THSD4: variants seen among roughly 807,000 people sequenced by gnomAD.
The protein encoded by THSD4 is thrombospondin type-1 domain-containing protein 4.
Under a neutral mutation model 119.0 loss-of-function variants are expected in THSD4, and 69 were observed. The ratio of observed to expected loss-of-function variants is 0.58; its 90% CI spans 0.48 to 0.71. The LOEUF (loss-of-function observed/expected upper bound fraction) is 0.71. Ranked by LOEUF, THSD4 falls within the 30% of genes least tolerant of loss-of-function variation. The pLI is 0.00. For missense variants in THSD4, 1,393 were observed against 1,391.1 expected (o/e 1.00, Z -0.02); for synonymous variants, 524 against 540.4 (o/e 0.97, Z 0.42).
chr15:71,272,396 C>CAAAAAAAA (rs61293620), intron 6 of THSD4, among the ~76,000 whole-genome samples: 3 of 55,584 alleles, frequency 5.4e-5, no homozygotes, highest in Non-Finnish European at 5.9e-5. Context: ...GACTCTGTCT[C>CAAAAAAAA]AAAAAAAAAA....
chr15:71,755,834 A>G (rs2053529651), intron 14 of THSD4, among the ~76,000 whole-genome samples: 2 of 152,106 alleles, frequency 1.3e-5, no homozygotes, highest in Non-Finnish European at 2.9e-5. Flanking sequence ...GACACTCAAG[A>G]TAGTCTTCAC....
chr15:71,386,239 A>G (rs2046291849), intron 6 of THSD4, among the ~76,000 whole-genome samples: 1 of 152,230 alleles, frequency 6.6e-6, no homozygotes, highest in Admixed American at 6.5e-5. Flanking sequence ...ACAGGCAGCT[A>G]CTTAATGGTT....
rs2046687671 is a variant in THSD4, at chr15:71,411,618, C to A, written c.1016-69C>A. 2.7e-6 allele frequency: 4 copies of A among 1,477,086 alleles called. No individual in the cohort carries two copies. The East Asian group carries it at 9.9e-5, about 37-fold the overall frequency. The allele number at this position is 1,477,086 out of a possible 1,614,324, so 91.5% of individuals were successfully genotyped here. On this transcript the variant is annotated intron_variant, in intron 6 of 17. Coordinates refer to ENST00000261862, the MANE Select transcript of THSD4 (RefSeq NM_024817.3). ...AAAAATTATAGGAAGAAAAAAGGTG[C>A]TGATTCCACAGAGATGATATTGCTT...
chr15:71,591,005 C>CAAA (rs67271025), intron 7 of THSD4, among the ~76,000 whole-genome samples: 37 of 57,510 alleles, frequency 6.4e-4, no homozygotes, highest in African/African-American at 1.2e-3. Context: ...GACTCCATCT[C>CAAA]AAAAAAAAAA....
At position 71,161,006 on chromosome 15, in the gene THSD4, AT is replaced by A. The variant is rs1260293019; in HGVS notation, c.99+6075del. Among the ~76,000 whole-genome samples the A allele has an allele frequency of 1.4e-4, 21 of 152,208 alleles. 1 individual carries two copies. In the South Asian group the frequency reaches 1.9e-3, roughly 13 times the overall value. ...TTAAAATTTCCCTTTTAATTTCTTC[AT>A]CAACCTACTGGTTGTTTAGAAGCAT... On this transcript the variant is annotated intron_variant, in intron 3 of 17. Coordinates refer to ENST00000261862, the MANE Select transcript of THSD4 (RefSeq NM_024817.3).
intron 4 of THSD4, among the ~76,000 whole-genome samples, chr15:71,218,567 G>T (rs548014515): frequency 5.3e-5 from 8 of 152,318 alleles, no homozygotes; most frequent in African/African-American, 1.9e-4. Flanking sequence ...TCATGCTCTT[G>T]TGATTTGACA....
chr15:71,727,340 A>T (rs946377328), intron 8 of THSD4, among the ~76,000 whole-genome samples: 12 of 151,882 alleles, frequency 7.9e-5, no homozygotes, highest in Admixed American at 5.3e-4. Flanking sequence ...TGAGAAAATC[A>T]TGTGACCCTC....
chr15:71,390,799 G>A (rs772660820), intron 6 of THSD4, among the ~76,000 whole-genome samples: 106 of 140,422 alleles, frequency 7.5e-4, no homozygotes, highest in Non-Finnish European at 1.4e-3. Context: ...AAGAAAATTT[G>A]TCTCTTTTTC....
chr15:71,098,461 G>A (rs537413277), intron 1 of THSD4, among the ~76,000 whole-genome samples: 9 of 152,116 alleles, frequency 5.9e-5, no homozygotes, highest in Admixed American at 2.0e-4. Flanking sequence ...ACAGGATTTT[G>A]CCATATTGTC....
At chr15:71,521,578 A>G (rs2048441804) in intron 7 of THSD4, among the ~76,000 whole-genome samples, 1 of 152,238 alleles carries the variant, frequency 6.6e-6, no homozygotes, top group South Asian at 2.1e-4. Flanking sequence ...TTCCAAGGCA[A>G]CTGAACTGCT....
At chr15:71,102,731 A>AT (rs1235404468) in intron 1 of THSD4, among the ~76,000 whole-genome samples, 1 of 151,934 alleles carries the variant, frequency 6.6e-6, no homozygotes, top group African/African-American at 2.4e-5. Context: ...TGCCCAGCTA[A>AT]TTTTTTGTAT....
chr15:71,450,374 A>T (rs2047245552), intron 7 of THSD4, among the ~76,000 whole-genome samples: 1 of 152,084 alleles, frequency 6.6e-6, no homozygotes, highest in African/African-American at 2.4e-5. Context: ...TTTTCACCTG[A>T]GAGCTATGCC....
intron 7 of THSD4, among the ~76,000 whole-genome samples, chr15:71,611,274 C>T (rs1183542112): frequency 6.6e-6 from 1 of 152,178 alleles, no homozygotes; most frequent in Non-Finnish European, 1.5e-5. Flanking sequence ...TGTTGCTATG[C>T]TGGTCTTCTC....
At chr15:71,705,837 T>A (rs911750081) in intron 8 of THSD4, among the ~76,000 whole-genome samples, 1 of 152,162 alleles carries the variant, frequency 6.6e-6, no homozygotes, top group African/African-American at 2.4e-5. Context: ...ATGAGGGAGA[T>A]AAGTAAAATG....
rs565053083 is a variant in THSD4, at chr15:71,245,268, C to G, written c.912+2172C>G. Among the ~76,000 whole-genome samples, 8 of 152,206 alleles carry G rather than the reference C, an allele frequency of 5.3e-5. No individual in the cohort carries two copies. In the East Asian group the frequency reaches 1.4e-3, roughly 26 times the overall value. ...TCCTCCCCAGTGCACCCCACTGTTC[C>G]AAGTCCACATCCTGCTTACCCTTAT... is the stretch of plus-strand genomic sequence containing the variant. On this transcript the variant is annotated intron_variant, in intron 5 of 17. Coordinates refer to ENST00000261862, the MANE Select transcript of THSD4 (RefSeq NM_024817.3).
intron 10 of THSD4, among the ~76,000 whole-genome samples, chr15:71,735,849 T>C (rs2053083422): frequency 6.6e-6 from 1 of 151,630 alleles, no homozygotes; most frequent in South Asian, 2.1e-4. Flanking sequence ...TCTTTCGCTC[T>C]CTGTCTCTCC....
chr15:71,525,172 A>G (rs1595857321), intron 7 of THSD4, among the ~76,000 whole-genome samples: 1 of 152,140 alleles, frequency 6.6e-6, no homozygotes. Flanking sequence ...AGTGTTCTAC[A>G]TGTAATGTCT....
Position 71,579,102 on chromosome 15 carries a change from C to T in THSD4, c.1153-81428C>T, listed in dbSNP as rs1473656602. Among the ~76,000 whole-genome samples the T allele has an allele frequency of 2.0e-5, 3 of 152,132 alleles. No homozygotes were observed. In the East Asian group the frequency reaches 5.8e-4, roughly 29 times the overall value. On this transcript the variant is annotated intron_variant, in intron 7 of 17. Coordinates refer to ENST00000261862, the MANE Select transcript of THSD4 (RefSeq NM_024817.3). Reference sequence around the variant, plus strand: ...TCGTGATCCACCCACCTCAGCCTCCCAAAGTGCTGGGATTACAGGCGTGAG... The same window carrying T: ...TCGTGATCCACCCACCTCAGCCTCCTAAAGTGCTGGGATTACAGGCGTGAG...
rs780022155 is a variant in THSD4 at position 71,728,674 on chromosome 15, G to A, written c.1483G>A (p.Gly495Arg). 35 of 1,614,076 alleles carry A rather than the reference G, an allele frequency of 2.2e-5. No homozygotes were observed. The highest frequency in any genetic ancestry group is 2.5e-5 in the Non-Finnish European group (30 of 1,180,048). Reference sequence around the variant, plus strand: ...TCCAAATGAGATTTCGAGCACTGCCGGAGAGTCCTTTTTGGCGGAAGGTCC... The same window carrying A: ...TCCAAATGAGATTTCGAGCACTGCCAGAGAGTCCTTTTTGGCGGAAGGTCC... ...KRPNEISSTA[G>R]ESFLAEGPTN... Residue 495 changes from glycine (G) to arginine (R), a missense_variant, in exon 9 of 18, where the codon GGA (glycine) becomes AGA (arginine). Coordinates refer to ENST00000261862, the MANE Select transcript of THSD4 (RefSeq NM_024817.3).
Sources: gnomAD v4.1 joint callset for allele counts (sites outside exome capture counted in the v4.1 genomes callset) on GRCh38, gnomAD v4.1.1 for gene constraint, MANE v1.5 for transcripts, NCBI Gene and HGNC (gene_info 2026-07-23, HGNC 2026-07-21) for gene names.